The following LIMCH1 variants were observed in gnomAD, a reference collection of about 807,000 sequenced individuals.
LIMCH1 encodes the protein LIM and calponin homology domains-containing protein 1.
Under a neutral mutation model 176.5 loss-of-function variants are expected in LIMCH1, and 113 were observed. The observed-to-expected ratio is 0.64, with a 90% confidence interval of 0.55 to 0.75. The LOEUF (loss-of-function observed/expected upper bound fraction) is 0.75. Among genes scored for constraint, LIMCH1 ranks in the 30% least tolerant of loss-of-function variants. LIMCH1 has a pLI of 0.00. For missense variants in LIMCH1, 1,674 were observed against 1,814.9 expected (o/e 0.92, Z 1.41); for synonymous variants, 619 against 645.9 (o/e 0.96, Z 0.63).
intron 4 of LIMCH1, among the ~76,000 whole-genome samples, chr4:41,607,535 G>A (rs1258421786): frequency 6.6e-6 from 1 of 152,140 alleles, no homozygotes; most frequent in African/African-American, 2.4e-5. Context: ...AATGTTTATT[G>A]TTTTTATATT....
intron 2 of LIMCH1, among the ~76,000 whole-genome samples, chr4:41,518,639 C>T (rs979609667): frequency 4.6e-5 from 7 of 152,106 alleles, no homozygotes; most frequent in Admixed American, 6.6e-5. Context: ...CATAGGTATA[C>T]GTGTGCCATG....
intron 1 of LIMCH1, among the ~76,000 whole-genome samples, chr4:41,586,453 GTACC>G (rs2086489500): frequency 6.6e-6 from 1 of 152,024 alleles, no homozygotes; most frequent in Non-Finnish European, 1.5e-5. Context: ...TCATGGACCA[GTACC>G]AAACCCATAG....
At chr4:41,502,685 A>G (rs1341978641) in intron 2 of LIMCH1, among the ~76,000 whole-genome samples, 1 of 151,980 alleles carries the variant, frequency 6.6e-6, no homozygotes, top group Non-Finnish European at 1.5e-5. Context: ...TCATACTGGT[A>G]TAGAATTCTT....
intron 1 of LIMCH1, among the ~76,000 whole-genome samples, chr4:41,390,322 C>A (rs984165169): frequency 1.3e-5 from 2 of 151,298 alleles, no homozygotes; most frequent in Non-Finnish European, 2.9e-5. Flanking sequence ...CCTGGAATTC[C>A]GGGGAGTACA....
chr4:41,415,281 T>C (rs2059825901), intron 1 of LIMCH1, among the ~76,000 whole-genome samples: 1 of 152,196 alleles, frequency 6.6e-6, no homozygotes. Flanking sequence ...CTGAAAGCCA[T>C]GTGGAGAATG....
At chr4:41,598,264 G>A (rs1364082610) in intron 1 of LIMCH1, among the ~76,000 whole-genome samples, 2 of 152,098 alleles carry the variant, frequency 1.3e-5, no homozygotes, top group African/African-American at 4.8e-5. Context: ...ATTGTCATTG[G>A]TGCCTGCCAA....
intron 2 of LIMCH1, among the ~76,000 whole-genome samples, chr4:41,510,667 C>A (rs988252411): frequency 6.6e-6 from 1 of 152,130 alleles, no homozygotes; most frequent in Non-Finnish European, 1.5e-5. Flanking sequence ...CGGCTTGCTG[C>A]AACCTCTGCC....
At chr4:41,444,463 G>T (rs1464117902) in intron 1 of LIMCH1, among the ~76,000 whole-genome samples, 4 of 152,138 alleles carry the variant, frequency 2.6e-5, no homozygotes, top group Non-Finnish European at 5.9e-5. Flanking sequence ...ATATGAGTTT[G>T]ACCTTAAGGG....
chr4:41,422,490 G>A (rs1313468176), intron 1 of LIMCH1, among the ~76,000 whole-genome samples: 1 of 151,886 alleles, frequency 6.6e-6, no homozygotes, highest in Admixed American at 6.6e-5. Flanking sequence ...GCCAGGCCAG[G>A]TATGGTATCA....
intron 1 of LIMCH1, among the ~76,000 whole-genome samples, chr4:41,437,746 A>G (rs11729647): frequency 0.13 from 19,434 of 151,940 alleles, 1,474 homozygotes; most frequent in Admixed American, 0.21. Context: ...TGTAAATTCA[A>G]TTTTTTCCCT....
At chr4:41,495,239 G>T (rs1442704061) in intron 2 of LIMCH1, among the ~76,000 whole-genome samples, 1 of 152,260 alleles carries the variant, frequency 6.6e-6, no homozygotes, top group East Asian at 1.9e-4. Flanking sequence ...TAAATTTCAA[G>T]ATTTCAAAAT....
At chr4:41,494,426 TACATAGTTATATATATGTACACAC>T in intron 1 of LIMCH1, 1 of 693,228 alleles carries the variant, frequency 1.4e-6, no homozygotes, top group Non-Finnish European at 2.5e-6. Flanking sequence ...TATATACACA[TACATAGTTATATATATGTACACAC>T]ACATACACAC....
chr4:41,535,500 G>T (rs2077813036), upstream of LIMCH1, among the ~76,000 whole-genome samples: 1 of 152,140 alleles, frequency 6.6e-6, no homozygotes, highest in Admixed American at 6.5e-5. Flanking sequence ...TCCCCTGTAT[G>T]TATCTGTGTC....
intron 1 of LIMCH1, among the ~76,000 whole-genome samples, chr4:41,558,215 T>C (rs1318661267): frequency 6.6e-6 from 1 of 151,714 alleles, no homozygotes. Flanking sequence ...TTCACTCTTC[T>C]CTAAAGAGTC....
At chr4:41,396,518 G>A (rs1004334680) in intron 1 of LIMCH1, among the ~76,000 whole-genome samples, 5 of 151,998 alleles carry the variant, frequency 3.3e-5, no homozygotes, top group Non-Finnish European at 5.9e-5. Flanking sequence ...GTATTGTGCG[G>A]GTTTTTTTTT....
chr4:41,662,418 AC>A (rs1420404272), intron 19 of LIMCH1, among the ~76,000 whole-genome samples: 2 of 152,246 alleles, frequency 1.3e-5, no homozygotes, highest in Non-Finnish European at 2.9e-5. Context: ...GCATTGAAAT[AC>A]AAAAAAAGGA....
At chr4:41,612,267 G>A (rs1205835667) in intron 4 of LIMCH1, 2 of 369,256 alleles carry the variant, frequency 5.4e-6, no homozygotes, top group East Asian at 4.6e-5. Context: ...GGCACTTCCT[G>A]CAAAGGCATT....
At chr4:41,443,199 T>TTC (rs2062895669) in intron 1 of LIMCH1, among the ~76,000 whole-genome samples, 1 of 40,534 alleles carries the variant, frequency 2.5e-5, no homozygotes, top group Non-Finnish European at 4.2e-5. Context: ...TTTCTTTTTT[T>TTC]TTTTTTTTTT....
intron 2 of LIMCH1, chr4:41,494,662 CAGTTTGGCTGTAAGACTTCT>C: frequency 8.8e-7 from 1 of 1,132,690 alleles, no homozygotes; most frequent in Non-Finnish European, 1.3e-6. Context: ...TAATACTATC[CAGTTTGGCTGTAAGACTTCT>C]AGTGTTTTGT....
Sources: gnomAD v4.1 joint callset for allele counts (sites outside exome capture counted in the v4.1 genomes callset) on GRCh38, gnomAD v4.1.1 for gene constraint, MANE v1.5 for transcripts, NCBI Gene and HGNC (gene_info 2026-07-23, HGNC 2026-07-21) for gene names.